Variants in BAZ2B observed in about 807,000 individuals in gnomAD.
BAZ2B encodes the protein bromodomain adjacent to zinc finger domain 2B, also known as bromodomain adjacent to zinc finger domain protein 2B.
In BAZ2B, 91 loss-of-function variants were observed where a neutral mutation model predicts 246.0. The ratio of observed to expected loss-of-function variants is 0.37; its 90% CI spans 0.31 to 0.44. The LOEUF (loss-of-function observed/expected upper bound fraction) is 0.44, where lower values mean the gene tolerates loss of function less well. Among genes scored for constraint, BAZ2B ranks in the 20% least tolerant of loss-of-function variants. The pLI, the probability that BAZ2B is intolerant of heterozygous loss-of-function variation, is 1.00. For missense variants in BAZ2B, 2,332 were observed against 2,533.7 expected (o/e 0.92, Z 1.71); for synonymous variants, 855 against 860.0 (o/e 0.99, Z 0.10).
At chr2:159,424,472 T>C (rs12998204) in intron 13 of BAZ2B, among the ~76,000 whole-genome samples, 50,447 of 152,090 alleles carry the variant, frequency 0.33, 9,958 homozygotes, top group Non-Finnish European at 0.47. Context: ...CAGAAAGTAT[T>C]ATCTCCTAAA....
intron 13 of BAZ2B, among the ~76,000 whole-genome samples, chr2:159,426,114 T>C (rs1347561615): frequency 1.3e-5 from 2 of 152,200 alleles, no homozygotes; most frequent in African/African-American, 4.8e-5. Flanking sequence ...TATTTGGCTT[T>C]AGTAATTCAT....
the BAZ2B span, among the ~76,000 whole-genome samples, chr2:159,701,975 G>A: frequency 5.9e-5 from 9 of 152,006 alleles, no homozygotes; most frequent in Non-Finnish European, 1.2e-4. Flanking sequence ...GTGATTGCCC[G>A]TCTCAGCCTC....
chr2:159,542,593 T>C (rs1015257192), intron 2 of BAZ2B, among the ~76,000 whole-genome samples: 42 of 152,098 alleles, frequency 2.8e-4, no homozygotes, highest in African/African-American at 1.0e-3. Flanking sequence ...GCTATGATCA[T>C]ACCACTGCAA....
At position 159,478,657 on chromosome 2, in the gene BAZ2B, C is replaced by T. The variant is rs746661716; in HGVS notation, c.63G>A (p.Ser21=). Residue 21 remains serine (S), a synonymous_variant, in exon 3 of 37, where the codon TCG becomes TCA. Coordinates refer to ENST00000392783, the MANE Select transcript of BAZ2B (RefSeq NM_013450.4). ...AASSTTPTSS[S]TPSVASVVSK... ...AAACTACTGAAGCCACAGAAGGTGT[C>T]GAAGATGAAGTTGGTGTAGTAGAGG... 8.1e-6 allele frequency: 13 copies of T among 1,610,308 alleles called. 1 individual carries two copies. Among genetic ancestry groups the T allele is most frequent in the South Asian group, 4.4e-5 (4 of 90,674 alleles).
the BAZ2B span, among the ~76,000 whole-genome samples, chr2:159,707,038 T>C: frequency 6.9e-4 from 105 of 152,296 alleles, no homozygotes; most frequent in Non-Finnish European, 1.1e-3. Flanking sequence ...GTGAGCTAAT[T>C]CCTTAAAATA....
chr2:159,508,339 A>G (rs1052890716), intron 2 of BAZ2B, among the ~76,000 whole-genome samples: 1 of 152,190 alleles, frequency 6.6e-6, no homozygotes, highest in African/African-American at 2.4e-5. Flanking sequence ...CTTTCTTGCC[A>G]GATCAGCAAA....
chr2:159,464,250 G>A (rs1484963801), intron 3 of BAZ2B: 1 of 152,060 alleles, frequency 6.6e-6, no homozygotes, highest in Non-Finnish European at 1.5e-5. Context: ...TCCAATCCAG[G>A]ATCTCATATT....
intron 30 of BAZ2B, 75 bp downstream of exon 30, chr2:159,348,603 C>A: frequency 6.7e-7 from 1 of 1,490,204 alleles, no homozygotes; most frequent in Non-Finnish European, 8.9e-7. Flanking sequence ...ATAGACTGTA[C>A]TAAAATATGG....
In BAZ2B at chr2:159,602,322, C is replaced by T. The variant is rs184493075; in HGVS notation, c.-46+13920G>A. The stretch of plus-strand genomic sequence containing the variant: ...GGAAAAGGAGAACTAAAATAGATAA[C>T]CTAGCATTGGTATGCTAGAGCTTGC... On this transcript the variant is annotated intron_variant, in intron 1 of 36. Coordinates refer to ENST00000392783, the MANE Select transcript of BAZ2B (RefSeq NM_013450.4). 2.8e-3 allele frequency among the ~76,000 whole-genome samples: 426 copies of T among 152,230 alleles called. 1 individual carries two copies. Among genetic ancestry groups the T allele is most frequent in the Admixed American group, 5.8e-3 (89 of 15,292 alleles).
chr2:159,691,668 G>GCC, the BAZ2B span, among the ~76,000 whole-genome samples: 2 of 152,280 alleles, frequency 1.3e-5, no homozygotes, highest in East Asian at 3.9e-4. Context: ...CTTCTTGGTA[G>GCC]CAACTCCAGC....
intron 13 of BAZ2B, among the ~76,000 whole-genome samples, chr2:159,417,765 G>A (rs1482291127): frequency 1.3e-5 from 2 of 152,176 alleles, no homozygotes; most frequent in East Asian, 3.9e-4. Flanking sequence ...GTCAGCTAGA[G>A]AGAGACCTTT....
At chr2:159,446,684 C>A in intron 6 of BAZ2B, 98 bp downstream of exon 6, 1 of 1,169,840 alleles carries the variant, frequency 8.5e-7, no homozygotes, top group Non-Finnish European at 1.2e-6. Context: ...GTTGGTAATT[C>A]ATAAGAAATT....
chr2:159,499,026 A>G (rs1553678582), intron 2 of BAZ2B, among the ~76,000 whole-genome samples: 1 of 151,950 alleles, frequency 6.6e-6, no homozygotes, highest in Non-Finnish European at 1.5e-5. Flanking sequence ...TTTTTCTTCT[A>G]CTTTTAAGTT....
At chr2:159,496,160 G>A (rs976037175) in intron 2 of BAZ2B, among the ~76,000 whole-genome samples, 7 of 149,712 alleles carry the variant, frequency 4.7e-5, no homozygotes, top group African/African-American at 1.7e-4. Context: ...CAGATCACGA[G>A]GTCAGAAGAT....
intron 2 of BAZ2B, among the ~76,000 whole-genome samples, chr2:159,541,962 A>G (rs1368051949): frequency 1.3e-5 from 2 of 152,234 alleles, no homozygotes; most frequent in East Asian, 1.9e-4. Flanking sequence ...CAAAATGAGA[A>G]TATCAATAAA....
In BAZ2B at chr2:159,433,260, C is replaced by T; in HGVS notation, c.1397G>A (p.Ser466Asn). 6.2e-7 allele frequency: 1 copy of T among 1,614,110 alleles called. No homozygotes were observed. The highest frequency in any genetic ancestry group is 8.5e-7 in the Non-Finnish European group (1 of 1,180,006). The change falls in exon 9 of 37, where the codon AGT becomes AAT. Residue 466 changes from serine to asparagine, a missense_variant. By Grantham distance (46) the Ser-to-Asn change is conservative. This residue lies in a region of BAZ2B where 651 missense variants were observed against 650.9 expected (regional missense o/e 1.00). Coordinates refer to ENST00000392783, the MANE Select transcript of BAZ2B (RefSeq NM_013450.4). ...TGTTTGTTTTGGATGTGCTGGTGAA[C>T]TAGAGGTTGCTTTTGGATTTGACAA... Reference protein sequence around the residue: ...AALSNPKATSSSPAHPKQTLE... With the variant: ...AALSNPKATSNSPAHPKQTLE...
At chr2:159,393,568 T>C (rs1390167699) in intron 20 of BAZ2B, among the ~76,000 whole-genome samples, 1 of 152,176 alleles carries the variant, frequency 6.6e-6, no homozygotes, top group Non-Finnish European at 1.5e-5. Flanking sequence ...CTGCTACCTG[T>C]TTTTAGACTT....
At chr2:159,667,896 C>T in the BAZ2B span, among the ~76,000 whole-genome samples, 1 of 151,860 alleles carries the variant, frequency 6.6e-6, no homozygotes, top group African/African-American at 2.4e-5. Context: ...ATTGATTTTA[C>T]CATCAGCTTT....
Position 159,614,138 on chromosome 2 carries a change from T to C in BAZ2B, c.-46+2104A>G, listed in dbSNP as rs1446932066. Among the ~76,000 whole-genome samples, 5 of 152,306 alleles carry C rather than the reference T, an allele frequency of 3.3e-5. No individual in the cohort carries two copies. The East Asian group carries it at 7.7e-4, about 23-fold the overall frequency. ...ATGACTACAGGAGACAGAATTCCAC[T>C]TTCCCATTCAATATACAGTGCCTCT... is the stretch of plus-strand genomic sequence containing the variant. On this transcript the variant is annotated intron_variant, in intron 1 of 36. Coordinates refer to ENST00000392783, the MANE Select transcript of BAZ2B (RefSeq NM_013450.4).
Sources: gnomAD v4.1 joint callset for allele counts (sites outside exome capture counted in the v4.1 genomes callset) on GRCh38, gnomAD v4.1.1 for gene constraint, gnomAD v4.1.1 regional missense constraint, MANE v1.5 for transcripts, NCBI Gene and HGNC (gene_info 2026-07-23, HGNC 2026-07-21) for gene names.